STAU2: variants seen among roughly 807,000 people sequenced by gnomAD.
STAU2 encodes staufen double-stranded RNA binding protein 2.
STAU2 carries 20 observed loss-of-function variants against 65.9 expected under a neutral mutation model. The ratio of observed to expected loss-of-function variants is 0.30; its 90% CI spans 0.21 to 0.44. The LOEUF is 0.44. Among genes scored for constraint, STAU2 ranks in the 20% least tolerant of loss-of-function variants. STAU2 has a pLI of 1.00. For synonymous variants in STAU2, 232 were observed against 233.9 expected (o/e 0.99, Z 0.07); for missense variants, 558 against 683.9 (o/e 0.82, Z 2.05).
At chr8:73,707,117 T>C (rs560429979) in intron 4 of STAU2, among the ~76,000 whole-genome samples, 58 of 152,164 alleles carry the variant, frequency 3.8e-4, no homozygotes, top group South Asian at 6.2e-4. Context: ...GTGAAACAGG[T>C]TGGGATCCAG....
At chr8:73,531,479 T>G (rs1452898585) in intron 13 of STAU2, among the ~76,000 whole-genome samples, 2 of 152,118 alleles carry the variant, frequency 1.3e-5, no homozygotes, top group Non-Finnish European at 1.5e-5. Flanking sequence ...GAGGACCCAA[T>G]TTCAAATTAA....
intron 6 of STAU2, among the ~76,000 whole-genome samples, chr8:73,635,130 A>T (rs2130066145): frequency 6.6e-6 from 1 of 152,350 alleles, no homozygotes; most frequent in South Asian, 2.1e-4. Flanking sequence ...AAGAAGTTAA[A>T]TAAATTACAG....
chr8:73,588,250 C>T (rs1444469327), intron 11 of STAU2, among the ~76,000 whole-genome samples: 1 of 152,178 alleles, frequency 6.6e-6, no homozygotes, highest in Non-Finnish European at 1.5e-5. Flanking sequence ...AGAGATAGGA[C>T]TCACAAAAAT....
At position 73,441,228 on chromosome 8, in the gene STAU2, A is replaced by G. The variant is rs1163517726; in HGVS notation, c.1531-18526T>C. On this transcript the variant is annotated intron_variant, in intron 13 of 14. Transcript: ENST00000524300. Reference sequence around the variant, plus strand: ...ATATTTAACCATTTACTTGTTTAGTATCTGTGTCTTCCATTAGCAAGTAAG... The same window carrying G: ...ATATTTAACCATTTACTTGTTTAGTGTCTGTGTCTTCCATTAGCAAGTAAG... The G allele has an allele frequency of 2.0e-5, 3 of 152,240 alleles. No homozygotes were observed. The East Asian group carries it at 5.8e-4, about 29-fold the overall frequency. 9.4% of individuals were successfully genotyped at this position (152,240 alleles called of 1,614,324 possible).
chr8:73,696,309 C>T (rs553370852), intron 4 of STAU2, among the ~76,000 whole-genome samples: 25 of 150,694 alleles, frequency 1.7e-4, no homozygotes, highest in African/African-American at 5.5e-4. Context: ...AAATACCTAA[C>T]TGTTTAAAGC....
intron 13 of STAU2, among the ~76,000 whole-genome samples, chr8:73,466,067 GC>G (rs1166189605): frequency 3.9e-5 from 6 of 152,220 alleles, no homozygotes; most frequent in African/African-American, 1.4e-4. Context: ...GTAGGGTCAT[GC>G]CCAGATGCTC....
chr8:73,722,739 C>A (rs866965721), intron 3 of STAU2, among the ~76,000 whole-genome samples: 4 of 152,044 alleles, frequency 2.6e-5, no homozygotes, highest in Non-Finnish European at 5.9e-5. Context: ...TACAGTAAGT[C>A]CTCACTTAAC....
chr8:73,632,061 A>G (rs1414888374), intron 6 of STAU2, among the ~76,000 whole-genome samples: 1 of 152,030 alleles, frequency 6.6e-6, no homozygotes, highest in Non-Finnish European at 1.5e-5. Context: ...ACAGCACACG[A>G]ACACGAGCAA....
intron 9 of STAU2, among the ~76,000 whole-genome samples, chr8:73,604,540 A>G (rs1339074661): frequency 2.0e-5 from 3 of 152,144 alleles, no homozygotes; most frequent in East Asian, 3.8e-4. Context: ...CACAACACAC[A>G]TAATTTTAAA....
intron 2 of STAU2, among the ~76,000 whole-genome samples, chr8:73,739,043 C>G (rs1374403786): frequency 6.6e-6 from 1 of 151,840 alleles, no homozygotes; most frequent in African/African-American, 2.4e-5. Flanking sequence ...ACCAGCCTGG[C>G]CAACATGGTG....
chr8:73,613,357 G>A (rs895949056), intron 9 of STAU2, among the ~76,000 whole-genome samples: 1 of 152,290 alleles, frequency 6.6e-6, no homozygotes, highest in Middle Eastern at 3.4e-3. Flanking sequence ...CAGGAGGTTT[G>A]ACATGATTGC....
intron 5 of STAU2, among the ~76,000 whole-genome samples, chr8:73,677,353 T>C (rs1233388404): frequency 6.6e-6 from 1 of 152,156 alleles, no homozygotes; most frequent in Non-Finnish European, 1.5e-5. Context: ...CAATCCTAGA[T>C]ATATTCCCAA....
chr8:73,509,556 G>A (rs1822269042), intron 13 of STAU2, among the ~76,000 whole-genome samples: 1 of 152,006 alleles, frequency 6.6e-6, no homozygotes, highest in South Asian at 2.1e-4. Flanking sequence ...GAAATATTTT[G>A]GGTTATGCAA....
chr8:73,686,768 T>G (rs1327200312), intron 5 of STAU2, among the ~76,000 whole-genome samples: 2 of 152,052 alleles, frequency 1.3e-5, no homozygotes, highest in African/African-American at 2.4e-5. Context: ...TATAATGTTG[T>G]TCGTATTGTA....
intron 10 of STAU2, 139 bp from the exon 11 acceptor site, chr8:73,595,436 TA>T (rs1266615469): frequency 1.4e-6 from 1 of 701,320 alleles, no homozygotes. Flanking sequence ...GCAACTAAGA[TA>T]ACATTTATGT....
intron 13 of STAU2, among the ~76,000 whole-genome samples, chr8:73,535,663 C>T (rs921767026): frequency 6.6e-6 from 1 of 152,148 alleles, no homozygotes; most frequent in African/African-American, 2.4e-5. Flanking sequence ...CAGTGTGCAC[C>T]CATGTTTTGA....
chr8:73,673,691 T>A (rs905835673), intron 5 of STAU2, among the ~76,000 whole-genome samples: 1 of 152,128 alleles, frequency 6.6e-6, no homozygotes, highest in Non-Finnish European at 1.5e-5. Context: ...CTTGGACTTA[T>A]CTAATGAAAA....
chr8:73,527,503 A>G (rs1206129837), intron 13 of STAU2: 1 of 433,414 alleles, frequency 2.3e-6, no homozygotes, highest in East Asian at 3.2e-5. Context: ...AGTCTAAAAT[A>G]ATTTAAATCT....
chr8:73,692,614 A>T (rs1819407934), intron 4 of STAU2, among the ~76,000 whole-genome samples: 1 of 152,096 alleles, frequency 6.6e-6, no homozygotes, highest in Non-Finnish European at 1.5e-5. Context: ...CAAATTATGG[A>T]ACCTGAGAAG....
Sources: allele counts gnomAD v4.1 joint callset (sites outside exome capture counted in the v4.1 genomes callset), GRCh38; gene constraint gnomAD v4.1.1; transcripts MANE v1.5; gene names NCBI Gene and HGNC (gene_info 2026-07-23, HGNC 2026-07-21).